The following RALGAPA1 variants were observed in gnomAD, a reference collection of about 807,000 sequenced individuals.
The protein encoded by RALGAPA1 is Ral GTPase activating protein catalytic subunit alpha 1.
In RALGAPA1, 52 loss-of-function variants were observed where a neutral mutation model predicts 269.6. The observed-to-expected ratio is 0.19, with a 90% CI of 0.15 to 0.24. The LOEUF (loss-of-function observed/expected upper bound fraction) is 0.24. Ranked by LOEUF, RALGAPA1 falls within the 10% of genes least tolerant of loss-of-function variation. The probability of loss-of-function intolerance (pLI) is 1.00; values close to 1 mark genes in which losing one functional copy is unlikely to be tolerated. For synonymous variants in RALGAPA1, 817 were observed against 1,008.3 expected (o/e 0.81, Z 3.60); for missense variants, 1,917 against 3,013.9 (o/e 0.64, Z 8.52).
chr14:35,755,263 G>C (rs991369990), intron 7 of RALGAPA1, among the ~76,000 whole-genome samples: 1 of 152,094 alleles, frequency 6.6e-6, no homozygotes, highest in Non-Finnish European at 1.5e-5. Context: ...TGAGGTGTCA[G>C]GATCACTTGG....
chr14:35,683,887 G>C lies in RALGAPA1; in HGVS notation c.4393C>G (p.Leu1465Val), dbSNP rs1362149190. Residue 1465 changes from leucine to valine, a missense_variant, in exon 21 of 42, where the codon CTA becomes GTA. Leu to Val is a conservative substitution (Grantham distance 32). Around this residue, in one of 11 missense-constraint regions of RALGAPA1, gnomAD observed 615 missense variants for 790.0 expected, o/e 0.78. Coordinates refer to ENST00000680220, the MANE Select transcript of RALGAPA1 (RefSeq NM_001346249.2). Reference sequence around the variant, plus strand: ...TCAGAATCTATATGAAGAGTAGTTAGACTAGCCACTTCCTGCTCTTCAGCA... The same window carrying C: ...TCAGAATCTATATGAAGAGTAGTTACACTAGCCACTTCCTGCTCTTCAGCA... ...QSAEEQEVASLTTLHIDSETS... is the reference protein window; with the variant it reads ...QSAEEQEVASVTTLHIDSETS... 6.2e-7 allele frequency: 1 copy of C among 1,612,560 alleles called. No individual in the cohort carries two copies. The highest frequency in any genetic ancestry group is 2.2e-5 in the East Asian group (1 of 44,816).
intron 41 of RALGAPA1, among the ~76,000 whole-genome samples, chr14:35,547,496 A>G (rs543650058): frequency 2.0e-5 from 3 of 152,284 alleles, no homozygotes; most frequent in South Asian, 2.1e-4. Context: ...TTCTATTATC[A>G]ATATTTTTCA....
intron 31 of RALGAPA1, among the ~76,000 whole-genome samples, chr14:35,650,808 C>G (rs1168568673): frequency 6.6e-6 from 1 of 152,020 alleles, no homozygotes; most frequent in Non-Finnish European, 1.5e-5. Flanking sequence ...GAATAATTCT[C>G]AGAGGAAACT....
chr14:35,679,961 A>T (rs573582898), intron 21 of RALGAPA1, among the ~76,000 whole-genome samples: 1 of 152,290 alleles, frequency 6.6e-6, no homozygotes, highest in South Asian at 2.1e-4. Flanking sequence ...GAGTAAATTC[A>T]TATGGCACAA....
At position 35,570,736 on chromosome 14, in the gene RALGAPA1, G is replaced by C. The variant is rs752934473; in HGVS notation, c.7377C>G (p.Phe2459Leu). The C allele has an allele frequency of 5.0e-6, 8 of 1,590,930 alleles. No homozygotes were observed. The highest frequency in any genetic ancestry group is 6.8e-6 in the Non-Finnish European group (8 of 1,170,660). Residue 2459 changes from phenylalanine (F) to leucine (L), a missense_variant, in exon 39 of 42, where the codon TTC (phenylalanine) becomes TTG (leucine). Coordinates refer to ENST00000680220, the MANE Select transcript of RALGAPA1 (RefSeq NM_001346249.2). ...IQIMKKPEVP[F>L]FGPLFDGAIV... is the part of the protein sequence containing the mutation. ...TAGCACCATCAAAAAGGGGACCAAA[G>C]AAGGGAACCTGATTGAGAAATCAGA... is the stretch of plus-strand genomic sequence containing the variant.
intron 17 of RALGAPA1, among the ~76,000 whole-genome samples, chr14:35,698,045 A>C (rs1250715435): frequency 1.3e-5 from 2 of 152,204 alleles, no homozygotes; most frequent in African/African-American, 4.8e-5. Context: ...GTTTTCTAAA[A>C]TGAACATTAT....
rs527246835 is a variant in RALGAPA1 at position 35,776,592 on chromosome 14, G to A, written c.107-847C>T. Reference sequence around the variant, plus strand: ...CAGTAGAAGTGTTAGTACTAAAAGTGAGATGTCAAAGTATATGGCAGTTTA... The same window carrying A: ...CAGTAGAAGTGTTAGTACTAAAAGTAAGATGTCAAAGTATATGGCAGTTTA... On this transcript the variant is annotated intron_variant, in intron 1 of 41. Coordinates refer to ENST00000680220, the MANE Select transcript of RALGAPA1 (RefSeq NM_001346249.2). Among the ~76,000 whole-genome samples the A allele has an allele frequency of 1.2e-4, 19 of 152,250 alleles. No individual in the cohort carries two copies. The South Asian group carries it at 3.5e-3, about 28-fold the overall frequency.
intron 29 of RALGAPA1, among the ~76,000 whole-genome samples, chr14:35,655,341 A>T (rs1424059760): frequency 1.3e-5 from 2 of 151,962 alleles, no homozygotes; most frequent in Non-Finnish European, 2.9e-5. Flanking sequence ...ATTCATTCAG[A>T]CTCTCCAAAT....
At chr14:35,588,135 G>C (rs1167648714) in intron 37 of RALGAPA1, among the ~76,000 whole-genome samples, 1 of 152,040 alleles carries the variant, frequency 6.6e-6, no homozygotes, top group Non-Finnish European at 1.5e-5. Context: ...TCAATTTCTT[G>C]ACCTCATGAT....
At chr14:35,567,800 C>A (rs529765705) in intron 39 of RALGAPA1, among the ~76,000 whole-genome samples, 1 of 152,214 alleles carries the variant, frequency 6.6e-6, no homozygotes, top group South Asian at 2.1e-4. Context: ...ACACAAGAGG[C>A]AAATAGAGTT....
At chr14:35,726,253 G>A (rs562389636) in intron 13 of RALGAPA1, among the ~76,000 whole-genome samples, 4 of 152,184 alleles carry the variant, frequency 2.6e-5, no homozygotes, top group African/African-American at 9.6e-5. Flanking sequence ...TATCCTGGAC[G>A]TATTAGCAAA....
chr14:35,582,597 C>T (rs2058025558), intron 37 of RALGAPA1, among the ~76,000 whole-genome samples: 1 of 152,156 alleles, frequency 6.6e-6, no homozygotes, highest in African/African-American at 2.4e-5. Context: ...TAAGAGTTAG[C>T]AACTCCAGGA....
intron 27 of RALGAPA1, among the ~76,000 whole-genome samples, chr14:35,662,885 T>C (rs1280147673): frequency 2.7e-5 from 4 of 150,396 alleles, no homozygotes; most frequent in Non-Finnish European, 5.9e-5. Context: ...GAAATTTGCA[T>C]TGATTTTATA....
intron 41 of RALGAPA1, among the ~76,000 whole-genome samples, chr14:35,540,847 T>C (rs2053898671): frequency 6.6e-6 from 1 of 152,144 alleles, no homozygotes; most frequent in Non-Finnish European, 1.5e-5. Context: ...GCATATTTGT[T>C]AGCCAATGTA....
In RALGAPA1 at chr14:35,751,652, A is replaced by G. The variant is rs72668489; in HGVS notation, c.802+372T>C. 2.9e-3 allele frequency among the ~76,000 whole-genome samples: 443 copies of G among 152,072 alleles called. 2 individuals are homozygous for G. Among genetic ancestry groups the G allele is most frequent in the Non-Finnish European group, 5.0e-3 (339 of 67,978 alleles). ...AATAATTAGCCAGATGTGGTGGTGC[A>G]TGACTGTTGTCCTAGCTACTGGGGA... is the stretch of plus-strand genomic sequence containing the variant. On this transcript the variant is annotated intron_variant, in intron 8 of 41. Transcript: ENST00000680220.
intron 26 of RALGAPA1, among the ~76,000 whole-genome samples, chr14:35,668,932 C>T (rs993016093): frequency 1.3e-5 from 2 of 152,000 alleles, no homozygotes; most frequent in African/African-American, 2.4e-5. Flanking sequence ...TTGCCTATTA[C>T]ACTCTTACAG....
intron 36 of RALGAPA1, among the ~76,000 whole-genome samples, chr14:35,598,577 G>A (rs1272706218): frequency 3.9e-5 from 6 of 151,916 alleles, no homozygotes; most frequent in East Asian, 1.9e-4. Context: ...CTGCCACCAC[G>A]CCCGGCTAAT....
At chr14:35,775,795 G>A (rs372519492) in intron 1 of RALGAPA1, 50 bp from the exon 2 acceptor site, 19 of 1,431,800 alleles carry the variant, frequency 1.3e-5, no homozygotes, top group Non-Finnish European at 1.7e-5. Flanking sequence ...GTTAAATCAA[G>A]TTTAGCAAAT....
intron 1 of RALGAPA1, among the ~76,000 whole-genome samples, chr14:35,790,959 A>G (rs2076126460): frequency 6.6e-6 from 1 of 152,202 alleles, no homozygotes; most frequent in Non-Finnish European, 1.5e-5. Context: ...AAAAGTCCTT[A>G]AAATGGTAGC....
Sources: allele counts gnomAD v4.1 joint callset (sites outside exome capture counted in the v4.1 genomes callset), GRCh38; gene constraint gnomAD v4.1.1; regional missense constraint gnomAD v4.1.1; transcripts MANE v1.5; gene names NCBI Gene and HGNC (gene_info 2026-07-23, HGNC 2026-07-21).